The following RAG1 variants were observed in gnomAD, a reference collection of about 807,000 sequenced individuals.
RAG1 encodes recombination activating 1.
RAG1 carries 35 observed loss-of-function variants against 62.7 expected under a neutral mutation model. The observed-to-expected ratio is 0.56, with a 90% CI of 0.43 to 0.74. The LOEUF (loss-of-function observed/expected upper bound fraction) is 0.74. Ranked by LOEUF, RAG1 falls within the 30% of genes least tolerant of loss-of-function variation. RAG1 has a pLI of 0.00. For synonymous variants in RAG1, 461 were observed against 470.3 expected (o/e 0.98, Z 0.26); for missense variants, 1,169 against 1,278.6 (o/e 0.91, Z 1.31).
upstream of RAG1, chr11:36,510,470 T>A (rs1393364465): frequency 6.6e-6 from 1 of 152,026 alleles, no homozygotes; most frequent in Non-Finnish European, 1.5e-5. Flanking sequence ...CGAACCCGAG[T>A]GTGTCAATGG....
At chr11:36,522,334 G>T (rs940927224) in intron 2 of RAG1, among the ~76,000 whole-genome samples, 1 of 152,214 alleles carries the variant, frequency 6.6e-6, no homozygotes, top group Non-Finnish European at 1.5e-5. Flanking sequence ...GACTAAAGGG[G>T]TCCAAGGTAT....
intron 1 of RAG1, among the ~76,000 whole-genome samples, chr11:36,517,062 C>T (rs1860006203): frequency 6.6e-6 from 1 of 152,132 alleles, no homozygotes; most frequent in Admixed American, 6.6e-5. Flanking sequence ...GAATCTGAGG[C>T]AGGACAGGAG....
chr11:36,551,546 A>AC (rs1442625366), intron 3 of RAG1, among the ~76,000 whole-genome samples: 1 of 150,436 alleles, frequency 6.6e-6, no homozygotes, highest in Non-Finnish European at 1.5e-5. Flanking sequence ...TTCTAAGATC[A>AC]CCAGTCATAT....
chr11:36,532,800 T>TGAGAGA (rs199710181), intron 2 of RAG1, among the ~76,000 whole-genome samples: 6 of 150,578 alleles, frequency 4.0e-5, no homozygotes. Flanking sequence ...TAAGATATTT[T>TGAGAGA]GAGAGAGAGA....
In RAG1 at chr11:36,528,629, C is replaced by G. The variant is rs976625607; in HGVS notation, n.429-7330C>G. Among the ~76,000 whole-genome samples, 5 of 151,932 alleles carry G rather than the reference C, an allele frequency of 3.3e-5. No homozygotes were observed. In the East Asian group the frequency reaches 7.7e-4, roughly 23 times the overall value. ...AACCAATTCAAAACCTAGCAGAAGA[C>G]AAGAAATAACTAAGATCAGAGCAGA... is the stretch of plus-strand genomic sequence containing the variant. On this transcript the variant is annotated intron_variant and non_coding_transcript_variant, in intron 2 of 2. Coordinates refer to the RAG1 transcript ENST00000529126.
At chr11:36,516,502 TTAG>T (rs1211308102) in intron 1 of RAG1, among the ~76,000 whole-genome samples, 1 of 152,224 alleles carries the variant, frequency 6.6e-6, no homozygotes, top group Non-Finnish European at 1.5e-5. Flanking sequence ...TTTTGTATTT[TTAG>T]TAGAGACGGA....
intron 1 of RAG1, among the ~76,000 whole-genome samples, chr11:36,568,705 C>A (rs764647333): frequency 3.9e-5 from 6 of 152,152 alleles, no homozygotes; most frequent in Non-Finnish European, 8.8e-5. Flanking sequence ...GCTCATGATT[C>A]TGATTTGTAT....
Position 36,573,589 on chromosome 11 carries a change from G to C in RAG1, c.285G>C (p.Glu95Asp), listed in dbSNP as rs2133293130. Reference sequence around the variant, plus strand: ...TTTCAAAGAAATTTCACGACAACGAGAAAGCAAGAGGCAAAGCGATCCATC... The same window carrying C: ...TTTCAAAGAAATTTCACGACAACGACAAAGCAAGAGGCAAAGCGATCCATC... ...PKFSKKFHDN[E>D]KARGKAIHQA... The change falls in exon 2 of 2, where the codon GAG becomes GAC. Residue 95 changes from glutamate (E) to aspartate (D), a missense_variant. This residue lies in a region of RAG1 where 369 missense variants were observed against 335.3 expected (regional missense o/e 1.10). Coordinates refer to ENST00000299440, the MANE Select transcript of RAG1 (RefSeq NM_000448.3). The C allele has an allele frequency of 6.2e-7, 1 of 1,614,200 alleles. No individual in the cohort carries two copies. Among genetic ancestry groups the C allele is most frequent in the East Asian group, 2.2e-5 (1 of 44,890 alleles).
intron 2 of RAG1, among the ~76,000 whole-genome samples, chr11:36,520,763 G>C (rs1204541173): frequency 6.6e-6 from 1 of 152,140 alleles, no homozygotes; most frequent in Non-Finnish European, 1.5e-5. Flanking sequence ...TTTGTTAGTT[G>C]AGATCTTAAC....
chr11:36,517,812 A>G (rs1028809986), intron 1 of RAG1, among the ~76,000 whole-genome samples: 2 of 152,214 alleles, frequency 1.3e-5, no homozygotes, highest in Non-Finnish European at 2.9e-5. Context: ...TTAACAAACA[A>G]CATGAGAGTG....
At position 36,573,869 on chromosome 11, in the gene RAG1, A is replaced by G; in HGVS notation, c.565A>G (p.Ser189Gly). Residue 189 changes from serine to glycine, a missense_variant, in exon 2 of 2, where the codon AGT becomes GGT. Coordinates refer to ENST00000299440, the MANE Select transcript of RAG1 (RefSeq NM_000448.3). ...CWSIMHRKFSSAPCEVYFPRN... is the reference protein window; with the variant it reads ...CWSIMHRKFSGAPCEVYFPRN... ...GAGCATCATGCACAGGAAGTTTAGC[A>G]GTGCCCCATGTGAGGTTTACTTCCC... The G allele has an allele frequency of 6.2e-7, 1 of 1,614,180 alleles. No homozygotes were observed. Among genetic ancestry groups the G allele is most frequent in the South Asian group, 1.1e-5 (1 of 91,078 alleles).
In RAG1 at chr11:36,576,128, A is replaced by C; in HGVS notation, c.2824A>C (p.Thr942Pro). Residue 942 changes from threonine (T) to proline (P), a missense_variant, in exon 2 of 2, where the codon ACC becomes CCC. By Grantham distance (38) the Thr-to-Pro change is conservative. Coordinates refer to ENST00000299440, the MANE Select transcript of RAG1 (RefSeq NM_000448.3). The stretch of plus-strand genomic sequence containing the variant: ...AAAAATCACCAATTATTTTCACAAA[A>C]CCCTGGCCCATGTTCCTGAAATTAT... Reference protein sequence around the residue: ...EGKITNYFHKTLAHVPEIIER... With the variant: ...EGKITNYFHKPLAHVPEIIER... 6.2e-7 allele frequency: 1 copy of C among 1,613,962 alleles called. No homozygotes were observed. Among genetic ancestry groups the C allele is most frequent in the Non-Finnish European group, 8.5e-7 (1 of 1,180,004 alleles).
chr11:36,544,210 G>T (rs952991360), intron 3 of RAG1, among the ~76,000 whole-genome samples: 4 of 152,298 alleles, frequency 2.6e-5, no homozygotes, highest in East Asian at 3.9e-4. Context: ...AAGATTTTAA[G>T]TTAAGGAGGT....
At chr11:36,525,208 G>C (rs927529236) in intron 2 of RAG1, among the ~76,000 whole-genome samples, 5 of 152,004 alleles carry the variant, frequency 3.3e-5, no homozygotes, top group African/African-American at 1.2e-4. Context: ...AAAATTGGCT[G>C]TACTTATGTG....
In RAG1 at chr11:36,576,485, G is replaced by A. The variant is rs2133298886; in HGVS notation, c.*49G>A. 6.2e-7 allele frequency: 1 copy of A among 1,606,698 alleles called. No homozygotes were observed. The highest frequency in any genetic ancestry group is 1.7e-5 in the Admixed American group (1 of 60,002). ...GTTTTTGCAATTGAGTTTCCCTCTG[G>A]GTTGCATTGAGGGCTTCTCCTAGCA... On this transcript the variant is annotated 3_prime_UTR_variant, in exon 2 of 2. Transcript: ENST00000299440.
In RAG1 at chr11:36,575,832, A is replaced by T. The variant is rs1229287793; in HGVS notation, c.2528A>T (p.Lys843Met). 1 of 1,614,134 alleles carries T rather than the reference A, an allele frequency of 6.2e-7. No homozygotes were observed. Among genetic ancestry groups the T allele is most frequent in the African/African-American group, 1.3e-5 (1 of 74,948 alleles). ...QATLDKHLRK[K>M]MNLKPIMRMN... is the part of the protein sequence containing the mutation. ...ACACTGGACAAGCATCTCCGGAAGA[A>T]GATGAACCTCAAACCAATCATGAGG... Residue 843 changes from lysine to methionine, a missense_variant, in exon 2 of 2, where the codon AAG becomes ATG. Coordinates refer to ENST00000299440, the MANE Select transcript of RAG1 (RefSeq NM_000448.3). The surrounding 1 kb of genome is among the most constrained non-coding windows in gnomAD (Gnocchi z 4.1).
Position 36,574,540 on chromosome 11 carries a change from G to A in RAG1, c.1236G>A (p.Arg412=), listed in dbSNP as rs373408080. ...GGAGAGCTCAGAAGCACCGGCTGAGGGAGCTCAAGCTGCAAGTCAAAGCCT... is the reference window on the plus strand; with the variant it reads ...GGAGAGCTCAGAAGCACCGGCTGAGAGAGCTCAAGCTGCAAGTCAAAGCCT... The part of the protein sequence containing the change: ...LTRRAQKHRL[R]ELKLQVKAFA... Residue 412 remains arginine (R), a synonymous_variant, in exon 2 of 2, where the codon AGG becomes AGA. Coordinates refer to ENST00000299440, the MANE Select transcript of RAG1 (RefSeq NM_000448.3). The A allele has an allele frequency of 3.7e-6, 6 of 1,614,150 alleles. No homozygotes were observed. In the African/African-American group the frequency reaches 5.3e-5, roughly 14 times the overall value.
chr11:36,570,232 T>C (rs955869435), intron 1 of RAG1, among the ~76,000 whole-genome samples: 5 of 152,214 alleles, frequency 3.3e-5, no homozygotes, highest in African/African-American at 1.2e-4. Flanking sequence ...AAGATATTGC[T>C]AAATTGTCTA....
At chr11:36,522,146 A>G (rs183864321) in intron 2 of RAG1, among the ~76,000 whole-genome samples, 1 of 152,332 alleles carries the variant, frequency 6.6e-6, no homozygotes, top group Admixed American at 6.5e-5. Flanking sequence ...CCGAATGTTA[A>G]TCTCCAAGAC....
Sources: gnomAD v4.1 joint callset for allele counts (sites outside exome capture counted in the v4.1 genomes callset) on GRCh38, gnomAD v4.1.1 for gene constraint, gnomAD v4.1.1 regional missense constraint, Gnocchi (gnomAD v3.1) non-coding constraint, MANE v1.5 for transcripts, NCBI Gene and HGNC (gene_info 2026-07-23, HGNC 2026-07-21) for gene names.